The following TLL1 variants were observed in gnomAD, a reference collection of about 807,000 sequenced individuals.
TLL1 encodes the protein tolloid-like protein 1.
In TLL1, 49 loss-of-function variants were observed where a neutral mutation model predicts 128.2. That is an observed-to-expected ratio of 0.38 (90% CI 0.30 to 0.48). The LOEUF (loss-of-function observed/expected upper bound fraction) is 0.48. Ranked by LOEUF, TLL1 falls within the 20% of genes least tolerant of loss-of-function variation. TLL1 has a pLI of 0.96. For synonymous variants in TLL1, 454 were observed against 418.8 expected (o/e 1.08, Z -1.03); for missense variants, 1,123 against 1,242.0 (o/e 0.90, Z 1.44).
intron 1 of TLL1, among the ~76,000 whole-genome samples, chr4:165,914,372 A>G (rs951347977): frequency 4.6e-5 from 7 of 152,174 alleles, no homozygotes; most frequent in African/African-American, 1.7e-4. Flanking sequence ...TCTTGATTCT[A>G]TGAACTGCAA....
chr4:166,020,664 T>G (rs1004610070), intron 8 of TLL1, among the ~76,000 whole-genome samples: 1 of 152,166 alleles, frequency 6.6e-6, no homozygotes, highest in Non-Finnish European at 1.5e-5. Context: ...TAATCTGCAT[T>G]TTATCTTAAT....
At chr4:165,992,215 C>T (rs1176641171) in intron 2 of TLL1, among the ~76,000 whole-genome samples, 1 of 151,938 alleles carries the variant, frequency 6.6e-6, no homozygotes, top group East Asian at 1.9e-4. Context: ...GCTGAACATT[C>T]GTTTGGATTC....
At position 166,041,953 on chromosome 4, in the gene TLL1, G is replaced by A. The variant is rs1481775500; in HGVS notation, c.1262-74G>A. 15 of 1,004,398 alleles carry A rather than the reference G, an allele frequency of 1.5e-5. No homozygotes were observed. The Middle Eastern group carries it at 1.1e-3, about 72-fold the overall frequency. 62.2% of individuals were successfully genotyped at this position (1,004,398 alleles called of 1,614,324 possible). On this transcript the variant is annotated intron_variant, in intron 10 of 20. Transcript: ENST00000061240. ...CCAAATCGGTGTTTACATATTATTT[G>A]TGACTAGTACAAAAAGAACGTAGAA...
intron 16 of TLL1, 37 bp downstream of exon 16, chr4:166,065,900 A>AT: frequency 7.5e-7 from 1 of 1,337,344 alleles, no homozygotes; most frequent in Non-Finnish European, 9.7e-7. Context: ...TATATTACAG[A>AT]TTTTCAATGT....
At chr4:165,928,592 C>T (rs1022300543) in intron 1 of TLL1, among the ~76,000 whole-genome samples, 3 of 152,286 alleles carry the variant, frequency 2.0e-5, no homozygotes, top group East Asian at 1.9e-4. Context: ...CTGTCTGTCT[C>T]GAACATGCAG....
At position 166,052,330 on chromosome 4, in the gene TLL1, C is replaced by G. The variant is rs193190345; in HGVS notation, c.1525-2746C>G. ...TTTTATTTTGTGATGGAGTCTCAGT[C>G]TGTTGCCCAGGCTGGAGTGCAGTGG... On this transcript the variant is annotated intron_variant, in intron 12 of 20. Transcript: ENST00000061240. Among the ~76,000 whole-genome samples, 21 of 152,214 alleles carry G rather than the reference C, an allele frequency of 1.4e-4. No homozygotes were observed. In the East Asian group the frequency reaches 3.7e-3, roughly 27 times the overall value.
chr4:166,080,593 CT>C lies in TLL1; in HGVS notation c.2442+2570del, dbSNP rs553288400. ...TTATTTTTCTTGCCTTTTTGTGTCT[CT>C]TTTTTTATTAAAATAAGACATTATG... is the stretch of plus-strand genomic sequence containing the variant. On this transcript the variant is annotated intron_variant, in intron 18 of 20. Coordinates refer to ENST00000061240, the MANE Select transcript of TLL1 (RefSeq NM_012464.5). 9.5e-4 allele frequency among the ~76,000 whole-genome samples: 145 copies of C among 151,890 alleles called. 1 individual carries two copies. The highest frequency in any genetic ancestry group is 1.8e-3 in the Non-Finnish European group (120 of 67,952).
intron 15 of TLL1, among the ~76,000 whole-genome samples, chr4:166,061,258 T>A (rs1326983829): frequency 8.5e-6 from 1 of 117,038 alleles, no homozygotes; most frequent in East Asian, 2.5e-4. Context: ...TTTCTTTTTT[T>A]TTTTTGAGAC....
chr4:166,080,801 G>A (rs1741253869), intron 18 of TLL1, among the ~76,000 whole-genome samples: 3 of 151,910 alleles, frequency 2.0e-5, no homozygotes, highest in Admixed American at 1.3e-4. Flanking sequence ...TTTTTCTTAG[G>A]GTGGAGGCTG....
At chr4:165,880,572 T>C (rs933547217) in intron 1 of TLL1, among the ~76,000 whole-genome samples, 5 of 152,260 alleles carry the variant, frequency 3.3e-5, no homozygotes, top group African/African-American at 1.2e-4. Flanking sequence ...TGTATTGGTA[T>C]GCTACTTGAA....
At position 165,873,966 on chromosome 4, in the gene TLL1, T is replaced by C. The variant is rs1316134897; in HGVS notation, c.62T>C (p.Phe21Ser). 49 of 1,614,048 alleles carry C rather than the reference T, an allele frequency of 3.0e-5. No homozygotes were observed. The highest frequency in any genetic ancestry group is 4.0e-5 in the Non-Finnish European group (47 of 1,180,034). ...TGGCTGGTGGCCTCGGGGATTGTTT[T>C]CTACGGGGAGCTATGGGTCTGCGCT... ...LVWLVASGIV[F>S]YGELWVCAGL... Residue 21 changes from phenylalanine to serine, a missense_variant, in exon 1 of 21, where the codon TTC becomes TCC. Around this residue, in one of 3 missense-constraint regions of TLL1, gnomAD observed 480 missense variants for 542.4 expected, o/e 0.89. Transcript: ENST00000061240.
intron 1 of TLL1, among the ~76,000 whole-genome samples, chr4:165,951,871 T>C (rs1734538456): frequency 6.6e-6 from 1 of 152,138 alleles, no homozygotes; most frequent in African/African-American, 2.4e-5. Context: ...TTGTAGTTGT[T>C]GATAATTTTT....
At position 166,057,172 on chromosome 4, in the gene TLL1, C is replaced by T. The variant is rs1017159457; in HGVS notation, c.1721-12C>T. 6.2e-7 allele frequency: 1 copy of T among 1,613,440 alleles called. No homozygotes were observed. The highest frequency in any genetic ancestry group is 1.1e-5 in the South Asian group (1 of 91,070). On this transcript the variant is annotated splice_polypyrimidine_tract_variant and intron_variant, in intron 13 of 20. Coordinates refer to ENST00000061240, the MANE Select transcript of TLL1 (RefSeq NM_012464.5). ...ATGTATAGTTGTTCTATAACTATGA[C>T]CATTTTCATAGAGGAAGATGAGTGT... is the stretch of plus-strand genomic sequence containing the variant.
At chr4:166,038,478 G>A (rs1339161953) in intron 9 of TLL1, among the ~76,000 whole-genome samples, 1 of 137,814 alleles carries the variant, frequency 7.3e-6, no homozygotes, top group Non-Finnish European at 1.6e-5. Context: ...GTTAGAATGA[G>A]TTTTTGAATG....
intron 1 of TLL1, among the ~76,000 whole-genome samples, chr4:165,938,894 A>G (rs1263067645): frequency 6.6e-6 from 1 of 151,914 alleles, no homozygotes; most frequent in Non-Finnish European, 1.5e-5. Flanking sequence ...CTTTTTAAAC[A>G]TCTATTCTTG....
Position 165,873,920 on chromosome 4 carries a change from C to A in TLL1, c.16C>A (p.Leu6Ile), listed in dbSNP as rs1436619545. Residue 6 changes from leucine to isoleucine, a missense_variant, in exon 1 of 21, where the codon CTT becomes ATT. Physicochemically the swap from Leu to Ile is conservative, Grantham distance 5. Coordinates refer to ENST00000061240, the MANE Select transcript of TLL1 (RefSeq NM_012464.5). The part of the protein sequence containing the change: MGLGT[L>I]SPRMLVWLVA... ...GGGGAGGAGGATGGGGTTGGGAACGCTTTCCCCGAGGATGCTCGTGTGGCT... is the reference window on the plus strand; with the variant it reads ...GGGGAGGAGGATGGGGTTGGGAACGATTTCCCCGAGGATGCTCGTGTGGCT... The A allele has an allele frequency of 1.2e-6, 2 of 1,614,084 alleles. No homozygotes were observed. The highest frequency in any genetic ancestry group is 4.5e-5 in the East Asian group (2 of 44,858).
At chr4:165,902,705 A>G (rs1732055057) in intron 1 of TLL1, among the ~76,000 whole-genome samples, 1 of 152,168 alleles carries the variant, frequency 6.6e-6, no homozygotes, top group Admixed American at 6.5e-5. Context: ...GACTGGAGCT[A>G]TTCCTATTAG....
At chr4:166,076,663 C>A (rs1741045262) in intron 17 of TLL1, among the ~76,000 whole-genome samples, 2 of 152,282 alleles carry the variant, frequency 1.3e-5, no homozygotes, top group African/African-American at 4.8e-5. Context: ...GTCATCGCCA[C>A]ATCCTGCAGA....
At chr4:166,056,987 T>C (rs1740041394) in intron 13 of TLL1, among the ~76,000 whole-genome samples, 197 bp from the exon 14 acceptor site, 1 of 152,150 alleles carries the variant, frequency 6.6e-6, no homozygotes, top group Non-Finnish European at 1.5e-5. Context: ...CGCCCTCATA[T>C]ATATATATAA....
Sources: gnomAD v4.1 joint callset for allele counts (sites outside exome capture counted in the v4.1 genomes callset) on GRCh38, gnomAD v4.1.1 for gene constraint, gnomAD v4.1.1 regional missense constraint, MANE v1.5 for transcripts, NCBI Gene and HGNC (gene_info 2026-07-23, HGNC 2026-07-21) for gene names.